MAGI2: variants seen among roughly 807,000 people sequenced by gnomAD.
MAGI2 encodes the protein membrane associated guanylate kinase, WW and PDZ domain containing 2.
A neutral mutation model predicts 133.3 loss-of-function variants in MAGI2; 35 were observed. That is an observed-to-expected ratio of 0.26 (90% confidence interval 0.20 to 0.35). MAGI2 has a LOEUF of 0.35. Ranked by LOEUF, MAGI2 falls within the 10% of genes least tolerant of loss-of-function variation. The pLI, the probability that MAGI2 is intolerant of heterozygous loss-of-function variation, is 1.00. For synonymous variants in MAGI2, 729 were observed against 710.6 expected (o/e 1.03, Z -0.41); for missense variants, 1,636 against 1,863.4 (o/e 0.88, Z 2.25).
At chr7:78,909,873 A>G (rs1018133963) in intron 2 of MAGI2, among the ~76,000 whole-genome samples, 9 of 152,176 alleles carry the variant, frequency 5.9e-5, no homozygotes, top group African/African-American at 2.2e-4. Context: ...TAGCAAAGAC[A>G]TGGAACCAAC....
chr7:78,073,665 C>T (rs988035945), intron 21 of MAGI2, among the ~76,000 whole-genome samples: 1 of 152,232 alleles, frequency 6.6e-6, no homozygotes, highest in African/African-American at 2.4e-5. Flanking sequence ...TTGGCCCTGA[C>T]TCTGTGGCTC....
At chr7:79,237,472 C>T (rs1056577283) in intron 1 of MAGI2, among the ~76,000 whole-genome samples, 2 of 152,170 alleles carry the variant, frequency 1.3e-5, no homozygotes, top group African/African-American at 4.8e-5. Context: ...GTTTTATACA[C>T]TCAAGTTAGA....
intron 1 of MAGI2, among the ~76,000 whole-genome samples, chr7:79,261,208 A>C (rs1834061209): frequency 1.3e-5 from 2 of 152,218 alleles, no homozygotes; most frequent in Non-Finnish European, 2.9e-5. Context: ...CTTGATTCCC[A>C]ATAGCTATTA....
intron 1 of MAGI2, among the ~76,000 whole-genome samples, chr7:79,452,625 C>T (rs936915087): frequency 6.6e-6 from 1 of 151,886 alleles, no homozygotes; most frequent in African/African-American, 2.4e-5. Flanking sequence ...TGAAGTTGCT[C>T]CTTCCTTCTT....
intron 2 of MAGI2, among the ~76,000 whole-genome samples, chr7:78,759,335 T>C (rs1824260670): frequency 1.3e-5 from 2 of 152,180 alleles, no homozygotes; most frequent in Admixed American, 1.3e-4. Flanking sequence ...AAATTATAAA[T>C]TTGTTTCTAG....
intron 6 of MAGI2, among the ~76,000 whole-genome samples, chr7:78,488,999 T>A (rs1861224): frequency 0.73 from 110,538 of 151,996 alleles, 41,879 homozygotes; most frequent in African/African-American, 0.93. Flanking sequence ...AAGTATGTGA[T>A]TGTGGTCAAA....
chr7:78,730,662 C>T (rs949349745), intron 2 of MAGI2, among the ~76,000 whole-genome samples: 7 of 152,030 alleles, frequency 4.6e-5, no homozygotes, highest in Non-Finnish European at 1.0e-4. Flanking sequence ...ATGTATTCCA[C>T]GGTAGAGTTG....
At chr7:78,790,882 T>G (rs1201496457) in intron 2 of MAGI2, among the ~76,000 whole-genome samples, 1 of 152,170 alleles carries the variant, frequency 6.6e-6, no homozygotes, top group African/African-American at 2.4e-5. Flanking sequence ...AAAAAGAAAT[T>G]AATCTTTGAG....
At chr7:78,956,430 T>C (rs949465240) in intron 2 of MAGI2, among the ~76,000 whole-genome samples, 1 of 152,166 alleles carries the variant, frequency 6.6e-6, no homozygotes, top group Admixed American at 6.5e-5. Flanking sequence ...CCACCTTTTA[T>C]GGAGAAACAG....
At chr7:78,693,730 G>T (rs2151129257) in intron 2 of MAGI2, among the ~76,000 whole-genome samples, 1 of 152,212 alleles carries the variant, frequency 6.6e-6, no homozygotes, top group Non-Finnish European at 1.5e-5. Flanking sequence ...CAGATGAGCT[G>T]ATCTCACCCA....
intron 1 of MAGI2, among the ~76,000 whole-genome samples, chr7:79,118,849 A>C (rs1351009509): frequency 6.6e-6 from 1 of 152,120 alleles, no homozygotes; most frequent in Admixed American, 6.6e-5. Context: ...ATATATATCA[A>C]TTAAGAAAGA....
intron 1 of MAGI2, among the ~76,000 whole-genome samples, chr7:79,090,539 T>C (rs1416200964): frequency 6.6e-6 from 1 of 152,156 alleles, no homozygotes; most frequent in Admixed American, 6.6e-5. Context: ...AAAGCTTTCA[T>C]AGACATGAGA....
intron 2 of MAGI2, among the ~76,000 whole-genome samples, chr7:78,659,677 A>G (rs1391473600): frequency 3.3e-5 from 5 of 152,090 alleles, no homozygotes; most frequent in African/African-American, 1.2e-4. Flanking sequence ...ATAAAAGGAC[A>G]ACATGGGATC....
At chr7:78,502,445 G>A (rs967466777) in intron 4 of MAGI2, among the ~76,000 whole-genome samples, 1 of 152,046 alleles carries the variant, frequency 6.6e-6, no homozygotes, top group African/African-American at 2.4e-5. Flanking sequence ...CTGCCAACAA[G>A]GAACACAGCT....
intron 2 of MAGI2, among the ~76,000 whole-genome samples, chr7:78,833,031 C>T (rs899233687): frequency 2.0e-5 from 3 of 152,164 alleles, no homozygotes; most frequent in Non-Finnish European, 4.4e-5. Context: ...AGGGTTAAGG[C>T]ATACTGCCTT....
chr7:79,035,589 A>G (rs189218550), intron 1 of MAGI2, among the ~76,000 whole-genome samples: 1 of 152,332 alleles, frequency 6.6e-6, no homozygotes, highest in Non-Finnish European at 1.5e-5. Context: ...GTTTCAATCA[A>G]CATCATAAGG....
chr7:79,256,485 T>TC (rs1833690112), intron 1 of MAGI2, among the ~76,000 whole-genome samples: 1 of 120,312 alleles, frequency 8.3e-6, no homozygotes, highest in Non-Finnish European at 1.7e-5. Context: ...TCTCTCTCTC[T>TC]CTTTTTTTTT....
intron 1 of MAGI2, among the ~76,000 whole-genome samples, chr7:79,318,754 T>C (rs1473529612): frequency 6.6e-6 from 1 of 152,156 alleles, no homozygotes; most frequent in Non-Finnish European, 1.5e-5. Context: ...CACACGACGT[T>C]GAAAAAATAA....
At chr7:79,411,644 T>G (rs1317985834) in intron 1 of MAGI2, 1 of 152,134 alleles carries the variant, frequency 6.6e-6, no homozygotes, top group Non-Finnish European at 1.5e-5. Context: ...TAAGTTTGCC[T>G]TGTTTTACAC....
Sources: allele counts gnomAD v4.1 joint callset (sites outside exome capture counted in the v4.1 genomes callset), GRCh38; gene constraint gnomAD v4.1.1; transcripts MANE v1.5; gene names NCBI Gene and HGNC (gene_info 2026-07-23, HGNC 2026-07-21).